GATD1: variants seen among roughly 807,000 people sequenced by gnomAD.
GATD1 encodes glutamine amidotransferase-like class 1 domain-containing protein 1.
Under a neutral mutation model 25.9 loss-of-function variants are expected in GATD1, and 23 were observed. The observed-to-expected ratio is 0.89, with a 90% CI of 0.64 to 1.26. The LOEUF is 1.26. GATD1 is among the 50% of genes most tolerant of loss of function. The pLI is 0.00. For synonymous variants in GATD1, 177 were observed against 134.6 expected (o/e 1.31, Z -2.18); for missense variants, 347 against 312.5 (o/e 1.11, Z -0.83).
At chr11:771,447 C>A (rs1863440826) in intron 5 of GATD1, 21 bp from the exon 6 acceptor site, 4 of 1,513,966 alleles carry the variant, frequency 2.6e-6, no homozygotes, top group Middle Eastern at 1.8e-4. Flanking sequence ...GGGGTGGGGG[C>A]TCCTGAGACA....
At chr11:771,598 T>A (rs1331374831) in intron 5 of GATD1, 172 bp from the exon 6 acceptor site, 1 of 1,384,236 alleles carries the variant, frequency 7.2e-7, no homozygotes, top group Non-Finnish European at 9.3e-7. Flanking sequence ...GATGACAAAG[T>A]CTAGCCATCT....
chr11:771,625 T>C (rs534273974), intron 5 of GATD1, among the ~76,000 whole-genome samples, 199 bp from the exon 6 acceptor site: 4 of 152,238 alleles, frequency 2.6e-5, no homozygotes, highest in Middle Eastern at 3.4e-3. Context: ...GGGGTGTCCC[T>C]GAGAGCGACA....
chr11:770,425 A>G lies in GATD1; in HGVS notation c.*472T>C, dbSNP rs976030045. ...TAAAAAATTCCGTTCACCTTTGGCC[A>G]AAGTTCTGAGCCAGCTCCCGCCGGC... On this transcript the variant is annotated 3_prime_UTR_variant, in exon 8 of 8. Transcript: ENST00000319863. 2.6e-6 allele frequency: 4 copies of G among 1,512,084 alleles called. No homozygotes were observed. The African/African-American group carries it at 4.2e-5, about 16-fold the overall frequency. The allele number at this position is 1,512,084 out of a possible 1,614,324, so 93.7% of individuals were successfully genotyped here. A position where few individuals can be genotyped will look rare whatever the true frequency, so the allele number is the denominator to read the frequency against.
intron 5 of GATD1, 36 bp from the exon 6 acceptor site, chr11:771,462 C>T (rs1395276774): frequency 1.3e-6 from 2 of 1,502,090 alleles, no homozygotes; most frequent in East Asian, 2.3e-5. Context: ...GAGACAGGCC[C>T]AGGCCCTGCG....
At chr11:772,128 C>T (rs572237611) in intron 5 of GATD1, among the ~76,000 whole-genome samples, 2 of 152,178 alleles carry the variant, frequency 1.3e-5, no homozygotes, top group Non-Finnish European at 2.9e-5. Flanking sequence ...CTCCCCACGT[C>T]CCCTGGTGAG....
rs1590078190 is a variant in GATD1 at position 769,087 on chromosome 11, G to A, written c.*1810C>T. On this transcript the variant is annotated 3_prime_UTR_variant, in exon 8 of 8. Coordinates refer to ENST00000319863, the MANE Select transcript of GATD1 (RefSeq NM_182612.4). ...CTGCACTCCAGCCTGGGTGACGAGA[G>A]ACAAACTCCATCTCAAAAAATAAAT... 10 of 961,860 alleles carry A rather than the reference G, an allele frequency of 1.0e-5. No homozygotes were observed. Among genetic ancestry groups the A allele is most frequent in the Non-Finnish European group, 1.1e-5 (9 of 814,242 alleles). The allele number at this position is 961,860 out of a possible 1,614,324, so 59.6% of individuals were successfully genotyped here. A position where few individuals can be genotyped will look rare whatever the true frequency, so the allele number is the denominator to read the frequency against.
chr11:771,364 G>A lies in GATD1; in HGVS notation c.513C>T (p.Asp171=). 6.3e-7 allele frequency: 1 copy of A among 1,594,136 alleles called. No individual in the cohort carries two copies. The highest frequency in any genetic ancestry group is 8.5e-7 in the Non-Finnish European group (1 of 1,170,014). ...AGCAGGCGCCCGAATCCTTCACGAA[G>A]TCCTCCACCACGAGCGGCAGGCGGG... ...GFARLPLVVE[D]FVKDSGACFS... Residue 171 remains aspartate, a synonymous_variant, in exon 6 of 8, where the codon GAC becomes GAT. Coordinates refer to ENST00000319863, the MANE Select transcript of GATD1 (RefSeq NM_182612.4).
In GATD1 at chr11:767,755, A is replaced by C; in HGVS notation, c.*3142T>G. Reference sequence around the variant, plus strand: ...CATCATGGGACCATCACCCTCACAAAAGAGGTTGCATCTACTGGTGCTTTC... The same window carrying C: ...CATCATGGGACCATCACCCTCACAACAGAGGTTGCATCTACTGGTGCTTTC... On this transcript the variant is annotated 3_prime_UTR_variant, in exon 8 of 8. Coordinates refer to ENST00000319863, the MANE Select transcript of GATD1 (RefSeq NM_182612.4). The C allele has an allele frequency of 5.2e-6, 2 of 381,826 alleles. No individual in the cohort carries two copies. The highest frequency in any genetic ancestry group is 1.1e-4 in the East Asian group (1 of 8,770). 23.7% of individuals were successfully genotyped at this position (381,826 alleles called of 1,614,324 possible). A position where few individuals can be genotyped will look rare whatever the true frequency, so the allele number is the denominator to read the frequency against.
rs1446808779 is a variant in GATD1 at position 767,427 on chromosome 11, G to A, written c.*3470C>T. 1.4e-5 allele frequency: 21 copies of A among 1,511,180 alleles called. No individual in the cohort carries two copies. In the African/African-American group the frequency reaches 1.5e-4, roughly 11 times the overall value. 93.6% of individuals were successfully genotyped at this position (1,511,180 alleles called of 1,614,324 possible). On this transcript the variant is annotated 3_prime_UTR_variant, in exon 8 of 8. Coordinates refer to ENST00000319863, the MANE Select transcript of GATD1 (RefSeq NM_182612.4). The stretch of plus-strand genomic sequence containing the variant: ...GGAGGCTCTCCAAGCCAGAGGCCTC[G>A]CACGCAGCTGAGGAATGACGCAGGG...
chr11:771,756 C>T (rs1438156136), intron 5 of GATD1, among the ~76,000 whole-genome samples: 1 of 152,170 alleles, frequency 6.6e-6, no homozygotes, highest in East Asian at 1.9e-4. Context: ...ACCCTCTGGG[C>T]AGGAGTGAAT....
At position 777,448 on chromosome 11, in the gene GATD1, C is replaced by T; in HGVS notation, c.15G>A (p.Arg5=). MASE[R]LPNRPACLLV... ...GCAGACAGGCGGGCCTGTTAGGGAG[C>T]CGCTCGGACGCCATGGCTCGGGCTC... The change falls in exon 1 of 8, where the codon CGG becomes CGA. Residue 5 remains arginine (R), a synonymous_variant. Transcript: ENST00000319863. The T allele has an allele frequency of 1.6e-6, 2 of 1,254,090 alleles. No homozygotes were observed. Among genetic ancestry groups the T allele is most frequent in the Non-Finnish European group, 1.0e-6 (1 of 999,168 alleles). 77.7% of individuals were successfully genotyped at this position (1,254,090 alleles called of 1,614,324 possible).
chr11:770,769 T>A lies in GATD1; in HGVS notation c.*128A>T. ...TTCCAGGAGGCCTCCAACAATCCCATCAGGGCCAGACCAGGCTGCCATCCA... is the reference window on the plus strand; with the variant it reads ...TTCCAGGAGGCCTCCAACAATCCCAACAGGGCCAGACCAGGCTGCCATCCA... On this transcript the variant is annotated 3_prime_UTR_variant, in exon 8 of 8. Coordinates refer to ENST00000319863, the MANE Select transcript of GATD1 (RefSeq NM_182612.4). The A allele has an allele frequency of 1.3e-6, 2 of 1,519,868 alleles. No homozygotes were observed. Among genetic ancestry groups the A allele is most frequent in the Non-Finnish European group, 1.8e-6 (2 of 1,137,236 alleles). 94.1% of individuals were successfully genotyped at this position (1,519,868 alleles called of 1,614,324 possible).
rs1261905047 is a variant in GATD1 at position 773,587 on chromosome 11, G to A, written c.290C>T (p.Ala97Val). Residue 97 changes from alanine (A) to valine (V), a missense_variant, in exon 4 of 8, where the codon GCC (alanine) becomes GTC (valine). Coordinates refer to ENST00000319863, the MANE Select transcript of GATD1 (RefSeq NM_182612.4). Reference sequence around the variant, plus strand: ...GCCACTGCTGGCCAGGTCGGTCAGGGCCCCAGGACAGCTGGGGATCAGGAG... The same window carrying A: ...GCCACTGCTGGCCAGGTCGGTCAGGACCCCAGGACAGCTGGGGATCAGGAG... ...HALLIPSCPG[A>V]LTDLASSGSL... 14 of 1,609,718 alleles carry A rather than the reference G, an allele frequency of 8.7e-6. No homozygotes were observed. Among genetic ancestry groups the A allele is most frequent in the East Asian group, 2.2e-5 (1 of 44,832 alleles).
rs1312129198 is a variant in GATD1, at chr11:777,457, C to T, written c.6G>A (p.Ala2=). M[A]SERLPNRPAC... ...CGGGCCTGTTAGGGAGCCGCTCGGA[C>T]GCCATGGCTCGGGCTCGGCGCTGGG... Residue 2 remains alanine (A), a synonymous_variant, in exon 1 of 8, where the codon GCG becomes GCA. Coordinates refer to ENST00000319863, the MANE Select transcript of GATD1 (RefSeq NM_182612.4). 3.2e-6 allele frequency: 4 copies of T among 1,240,354 alleles called. No homozygotes were observed. Among genetic ancestry groups the T allele is most frequent in the Non-Finnish European group, 4.0e-6 (4 of 990,158 alleles). 76.8% of individuals were successfully genotyped at this position (1,240,354 alleles called of 1,614,324 possible). A position where few individuals can be genotyped will look rare whatever the true frequency, so the allele number is the denominator to read the frequency against.
At chr11:772,683 T>G in intron 4 of GATD1, 162 bp from the exon 5 acceptor site, 1 of 649,444 alleles carries the variant, frequency 1.5e-6, no homozygotes, top group Non-Finnish European at 2.8e-6. Context: ...GTGTCCTGGC[T>G]CAGCCCGCAC....
intron 6 of GATD1, 49 bp downstream of exon 6, chr11:771,284 G>GC (rs764817571): frequency 4.4e-6 from 7 of 1,589,708 alleles, no homozygotes; most frequent in Non-Finnish European, 6.0e-6. Flanking sequence ...CAGCAGGGAA[G>GC]CCCCCCACCC....
In GATD1 at chr11:777,486, G is replaced by C. The variant is rs1392219087; in HGVS notation, c.-24C>G. 2 of 1,200,406 alleles carry C rather than the reference G, an allele frequency of 1.7e-6. No individual in the cohort carries two copies. The highest frequency in any genetic ancestry group is 7.1e-5 in the East Asian group (2 of 28,306). The allele number at this position is 1,200,406 out of a possible 1,614,324, so 74.4% of individuals were successfully genotyped here. A position where few individuals can be genotyped will look rare whatever the true frequency, so the allele number is the denominator to read the frequency against. Reference sequence around the variant, plus strand: ...ATGGCTCGGGCTCGGCGCTGGGTCTGCGCGTGCGCGGCGTCTGGGCGCGCC... The same window carrying C: ...ATGGCTCGGGCTCGGCGCTGGGTCTCCGCGTGCGCGGCGTCTGGGCGCGCC... On this transcript the variant is annotated 5_prime_UTR_variant, in exon 1 of 8. Transcript: ENST00000319863.
At position 770,810 on chromosome 11, in the gene GATD1, G is replaced by A. The variant is rs1863358862; in HGVS notation, c.*87C>T. The stretch of plus-strand genomic sequence containing the variant: ...CTGCCATCCAGGGCCCTTGTCAGGA[G>A]GGAAGAGGCGGGGTCCCTGAAGCCT... On this transcript the variant is annotated 3_prime_UTR_variant, in exon 8 of 8. Coordinates refer to ENST00000319863, the MANE Select transcript of GATD1 (RefSeq NM_182612.4). 5 of 1,544,100 alleles carry A rather than the reference G, an allele frequency of 3.2e-6. No homozygotes were observed. The highest frequency in any genetic ancestry group is 4.4e-6 in the Non-Finnish European group (5 of 1,143,700).
intron 2 of GATD1, among the ~76,000 whole-genome samples, chr11:774,487 G>A (rs757835292): frequency 1.3e-5 from 2 of 152,260 alleles, no homozygotes; most frequent in Non-Finnish European, 2.9e-5. Flanking sequence ...CCAGGGCTGC[G>A]CCTTGGTCTC....
Sources: allele counts gnomAD v4.1 joint callset (sites outside exome capture counted in the v4.1 genomes callset), GRCh38; gene constraint gnomAD v4.1.1; transcripts MANE v1.5; gene names NCBI Gene and HGNC (gene_info 2026-07-23, HGNC 2026-07-21).